Variants in GATA4 observed in about 807,000 individuals in gnomAD.
GATA4 encodes the protein GATA binding protein 4.
A neutral mutation model predicts 37.9 loss-of-function variants in GATA4; 7 were observed. That is an observed-to-expected ratio of 0.18 (90% CI 0.11 to 0.35). The LOEUF (loss-of-function observed/expected upper bound fraction) is 0.35. GATA4 is among the 10% of genes least tolerant of loss of function. The probability of loss-of-function intolerance (pLI) is 1.00; values close to 1 mark genes in which losing one functional copy is unlikely to be tolerated. For missense variants in GATA4, 647 were observed against 653.0 expected (o/e 0.99, Z 0.10); for synonymous variants, 372 against 292.6 (o/e 1.27, Z -2.77).
rs951931198 is a variant in GATA4, at chr8:11,758,574, G to A, written c.*99G>A. On this transcript the variant is annotated 3_prime_UTR_variant, in exon 7 of 7. Coordinates refer to ENST00000532059, the MANE Select transcript of GATA4 (RefSeq NM_001308093.3). ...TCCCAGGGGCCGGCCTCCTCTGCCT[G>A]GTAATGACTCCAGAACAACAACTGG... is the stretch of plus-strand genomic sequence containing the variant. 54 of 1,135,888 alleles carry A rather than the reference G, an allele frequency of 4.8e-5. No individual in the cohort carries two copies. Among genetic ancestry groups the A allele is most frequent in the Admixed American group, 1.6e-4 (9 of 57,272 alleles). The allele number at this position is 1,135,888 out of a possible 1,614,324, so 70.4% of individuals were successfully genotyped here. A position where few individuals can be genotyped will look rare whatever the true frequency, so the allele number is the denominator to read the frequency against.
At chr8:11,694,494 T>C in intron 1 of GATA4, 1 of 985,372 alleles carries the variant, frequency 1.0e-6, no homozygotes, top group Non-Finnish European at 1.2e-6. Flanking sequence ...TGCATCCTCA[T>C]CACTTCTTTC....
intron 2 of GATA4, among the ~76,000 whole-genome samples, chr8:11,741,413 A>G (rs551869102): frequency 6.6e-6 from 1 of 152,200 alleles, no homozygotes; most frequent in African/African-American, 2.4e-5. Flanking sequence ...CGCGAAGTCA[A>G]GGCTGCAATT....
At chr8:11,733,950 C>T (rs934896121) in intron 2 of GATA4, among the ~76,000 whole-genome samples, 2 of 152,344 alleles carry the variant, frequency 1.3e-5, no homozygotes, top group African/African-American at 2.4e-5. Flanking sequence ...CCCCCTGCCA[C>T]GAGGCTGGCA....
Position 11,708,326 on chromosome 8 carries a change from T to G in GATA4, c.14T>G (p.Leu5Trp). Reference protein sequence around the residue: MYQSLAMAANHGPPP... With the variant: MYQSWAMAANHGPPP... Reference sequence around the variant, plus strand: ...CTCGCAGGGACCATGTATCAGAGCTTGGCCATGGCCGCCAACCACGGGCCG... The same window carrying G: ...CTCGCAGGGACCATGTATCAGAGCTGGGCCATGGCCGCCAACCACGGGCCG... Residue 5 changes from leucine (L) to tryptophan (W), a missense_variant, in exon 2 of 7, where the codon TTG becomes TGG. By Grantham distance (61) the Leu-to-Trp change is moderately conservative (BLOSUM62 -2). Transcript: ENST00000532059. This position sits in a 1 kb window ranked among gnomAD's most constrained non-coding sequence, Gnocchi z 6.7. 2 of 1,584,282 alleles carry G rather than the reference T, an allele frequency of 1.3e-6. No individual in the cohort carries two copies. The highest frequency in any genetic ancestry group is 1.7e-6 in the Non-Finnish European group (2 of 1,172,950).
intron 2 of GATA4, among the ~76,000 whole-genome samples, chr8:11,737,962 C>T (rs1201340741): frequency 1.3e-5 from 2 of 152,116 alleles, no homozygotes; most frequent in East Asian, 1.9e-4. Flanking sequence ...TGGCGGATCA[C>T]CTAGGCTCAG....
chr8:11,682,935 G>A (rs1028283145), intron 1 of GATA4: 2 of 358,740 alleles, frequency 5.6e-6, no homozygotes, highest in African/African-American at 2.2e-5. Context: ...TTCCACACCG[G>A]GGACCTGCTT....
chr8:11,725,571 G>A (rs772953461), intron 2 of GATA4, among the ~76,000 whole-genome samples: 1 of 152,216 alleles, frequency 6.6e-6, no homozygotes, highest in Non-Finnish European at 1.5e-5. Flanking sequence ...GAGAGTGCTT[G>A]GGTTTTACTG....
rs1197753892 is a variant in GATA4, at chr8:11,704,211, G to C, written c.-551G>C. ...ACCCGAGCCGCGAGCTGGGGACTTG[G>C]AGGCGGCCGGCGCAGGGGCCGCGAG... On this transcript the variant is annotated 5_prime_UTR_variant, in exon 1 of 7. Coordinates refer to ENST00000532059, the MANE Select transcript of GATA4 (RefSeq NM_001308093.3). The C allele has an allele frequency of 2.0e-5, 3 of 152,352 alleles. No individual in the cohort carries two copies. Among genetic ancestry groups the C allele is most frequent in the Non-Finnish European group, 4.4e-5 (3 of 68,154 alleles). The allele number at this position is 152,352 out of a possible 1,614,324, so 9.4% of individuals were successfully genotyped here.
At chr8:11,726,068 G>A (rs927773721) in intron 2 of GATA4, among the ~76,000 whole-genome samples, 1 of 152,156 alleles carries the variant, frequency 6.6e-6, no homozygotes, top group Non-Finnish European at 1.5e-5. Flanking sequence ...TTCCTTCTGG[G>A]GTCCGGAATA....
chr8:11,681,203 G>T, intron 1 of GATA4: 1 of 985,390 alleles, frequency 1.0e-6, no homozygotes, highest in Non-Finnish European at 1.2e-6. Flanking sequence ...GGCCCGCGCG[G>T]GATCTGGAGG....
intron 1 of GATA4, among the ~76,000 whole-genome samples, chr8:11,696,444 T>C (rs1799511716): frequency 6.6e-6 from 1 of 152,226 alleles, no homozygotes; most frequent in Admixed American, 6.5e-5. Context: ...GTGTTTGTTG[T>C]TCATTCCTGT....
intron 2 of GATA4, among the ~76,000 whole-genome samples, chr8:11,746,045 C>G (rs570398972): frequency 7.2e-5 from 11 of 152,004 alleles, no homozygotes; most frequent in African/African-American, 2.4e-4. Context: ...TTTGGGAGGC[C>G]GAGGCAGGAG....
upstream of GATA4, among the ~76,000 whole-genome samples, chr8:11,691,042 T>C (rs1425105354): frequency 1.3e-5 from 2 of 152,224 alleles, no homozygotes; most frequent in African/African-American, 4.8e-5. Flanking sequence ...GGTTTCTTCA[T>C]CTATAAAATG....
chr8:11,736,595 CG>C (rs1025825833), intron 2 of GATA4, among the ~76,000 whole-genome samples: 2 of 152,338 alleles, frequency 1.3e-5, no homozygotes, highest in African/African-American at 4.8e-5. Flanking sequence ...GTCAAGACCC[CG>C]GGGGGTGTGG....
At chr8:11,698,075 C>T (rs1799560968) in intron 1 of GATA4, 1 of 934,314 alleles carries the variant, frequency 1.1e-6, no homozygotes, top group South Asian at 4.9e-5. Flanking sequence ...CACCCAGGCC[C>T]GGCCGCTTTC....
At chr8:11,743,526 C>T (rs1034374881) in intron 2 of GATA4, among the ~76,000 whole-genome samples, 1 of 152,226 alleles carries the variant, frequency 6.6e-6, no homozygotes, top group East Asian at 1.9e-4. Context: ...TGAGCTGTCT[C>T]CCCAGCGGCC....
At chr8:11,692,592 C>A, upstream of GATA4, 1 of 985,326 alleles carries the variant, frequency 1.0e-6, no homozygotes, top group Non-Finnish European at 1.2e-6. Flanking sequence ...GGGCGTGGCC[C>A]CCGCGCTGGG....
At chr8:11,714,856 G>C (rs1800366729) in intron 2 of GATA4, among the ~76,000 whole-genome samples, 1 of 152,164 alleles carries the variant, frequency 6.6e-6, no homozygotes, top group South Asian at 2.1e-4. Flanking sequence ...GATACCTGTG[G>C]GTGGGAGTGT....
At chr8:11,738,267 A>G (rs1279868787) in intron 2 of GATA4, among the ~76,000 whole-genome samples, 1 of 152,126 alleles carries the variant, frequency 6.6e-6, no homozygotes, top group African/African-American at 2.4e-5. Context: ...ACAACAGCAA[A>G]CAATGAGAAG....
Sources: gnomAD v4.1 joint callset for allele counts (sites outside exome capture counted in the v4.1 genomes callset) on GRCh38, gnomAD v4.1.1 for gene constraint, Gnocchi (gnomAD v3.1) non-coding constraint, MANE v1.5 for transcripts, NCBI Gene and HGNC (gene_info 2026-07-23, HGNC 2026-07-21) for gene names.